The following ZNF385D variants were observed in gnomAD, a reference collection of about 807,000 sequenced individuals.
ZNF385D encodes zinc finger protein 659.
Under a neutral mutation model 35.8 loss-of-function variants are expected in ZNF385D, and 15 were observed. The ratio of observed to expected loss-of-function variants is 0.42; its 90% CI spans 0.28 to 0.64. The LOEUF (loss-of-function observed/expected upper bound fraction) is 0.64. Among genes scored for constraint, ZNF385D ranks in the 30% least tolerant of loss-of-function variants. The probability of loss-of-function intolerance (pLI) is 0.23; values close to 1 mark genes in which losing one functional copy is unlikely to be tolerated. For synonymous variants in ZNF385D, 212 were observed against 186.8 expected (o/e 1.13, Z -1.10); for missense variants, 474 against 494.6 (o/e 0.96, Z 0.39).
intron 4 of ZNF385D, among the ~76,000 whole-genome samples, chr3:21,496,464 T>TCATATATATACATATATACAC: frequency 1.1e-5 from 1 of 91,524 alleles, no homozygotes; most frequent in South Asian, 2.8e-4. Context: ...GATATATATA[T>TCATATATATACATATATACAC]CATATATATA....
intron 2 of ZNF385D, among the ~76,000 whole-genome samples, chr3:22,338,297 A>G (rs1025806909): frequency 4.1e-4 from 62 of 152,262 alleles, no homozygotes; most frequent in African/African-American, 1.4e-3. Flanking sequence ...TTTTCTGACA[A>G]AGATTTTGGT....
chr3:21,971,654 CAA>C (rs1327004197), intron 3 of ZNF385D, among the ~76,000 whole-genome samples: 1 of 150,766 alleles, frequency 6.6e-6, no homozygotes, highest in African/African-American at 2.4e-5. Flanking sequence ...ACTCTCAAAT[CAA>C]AAGACATAGA....
At chr3:22,044,917 A>G (rs1386498834) in intron 3 of ZNF385D, among the ~76,000 whole-genome samples, 1 of 152,122 alleles carries the variant, frequency 6.6e-6, no homozygotes, top group Non-Finnish European at 1.5e-5. Context: ...TGTAATTGGA[A>G]GTATGGTGCA....
At chr3:21,898,353 T>A (rs1699240569) in intron 3 of ZNF385D, among the ~76,000 whole-genome samples, 1 of 152,174 alleles carries the variant, frequency 6.6e-6, no homozygotes, top group East Asian at 1.9e-4. Flanking sequence ...ATTTTCCTAA[T>A]ATAGATACCT....
In ZNF385D at chr3:21,639,870, C is replaced by T. The variant is rs114985010; in HGVS notation, c.165+25016G>A. Among the ~76,000 whole-genome samples the T allele has an allele frequency of 8.8e-3, 1,341 of 152,016 alleles. 26 individuals are homozygous for T. The highest frequency in any genetic ancestry group is 0.031 in the African/African-American group (1,306 of 41,506). ...AGTCTGCTGAAGAGAAATTCCTTTACCATACTATTGTAGTCCAGAAAAAAG... is the reference window on the plus strand; with the variant it reads ...AGTCTGCTGAAGAGAAATTCCTTTATCATACTATTGTAGTCCAGAAAAAAG... On this transcript the variant is annotated intron_variant, in intron 2 of 7. Transcript: ENST00000281523.
chr3:21,814,101 G>A (rs987890313), intron 3 of ZNF385D, among the ~76,000 whole-genome samples: 1 of 152,122 alleles, frequency 6.6e-6, no homozygotes, highest in East Asian at 1.9e-4. Flanking sequence ...GCCAAACTAA[G>A]CTTCATAAGT....
chr3:22,350,658 A>T (rs1695873581), intron 2 of ZNF385D, among the ~76,000 whole-genome samples: 1 of 152,100 alleles, frequency 6.6e-6, no homozygotes, highest in Non-Finnish European at 1.5e-5. Context: ...CTCAAGTAAC[A>T]ATACTCCAAA....
intron 2 of ZNF385D, among the ~76,000 whole-genome samples, chr3:22,330,968 T>C (rs1694906070): frequency 6.6e-6 from 1 of 152,182 alleles, no homozygotes; most frequent in Non-Finnish European, 1.5e-5. Flanking sequence ...ATGTCCACCT[T>C]ATTGTGCTGC....
At chr3:22,251,483 G>A (rs1178855880) in intron 2 of ZNF385D, among the ~76,000 whole-genome samples, 1 of 152,022 alleles carries the variant, frequency 6.6e-6, no homozygotes, top group Non-Finnish European at 1.5e-5. Flanking sequence ...TCTCTTAAGT[G>A]GCTATTCATA....
chr3:22,234,354 T>C (rs914888105), intron 2 of ZNF385D, among the ~76,000 whole-genome samples: 1 of 152,156 alleles, frequency 6.6e-6, no homozygotes, highest in Admixed American at 6.5e-5. Context: ...CTAGTGCTTT[T>C]TGAAGACACT....
At chr3:21,580,562 A>G (rs1460083980) in intron 2 of ZNF385D, among the ~76,000 whole-genome samples, 1 of 151,888 alleles carries the variant, frequency 6.6e-6, no homozygotes, top group East Asian at 1.9e-4. Flanking sequence ...TTTACTGCCT[A>G]TTTTTTTCTT....
At chr3:21,883,479 G>C (rs75184551) in intron 3 of ZNF385D, among the ~76,000 whole-genome samples, 4,979 of 151,956 alleles carry the variant, frequency 0.033, 184 homozygotes, top group African/African-American at 0.082. Flanking sequence ...GAGGGTTTAT[G>C]ATATATATTC....
chr3:21,945,852 A>G (rs558880824), intron 3 of ZNF385D, among the ~76,000 whole-genome samples: 3 of 152,216 alleles, frequency 2.0e-5, no homozygotes, highest in Admixed American at 6.5e-5. Flanking sequence ...TACTGGAAAC[A>G]TAAGTAATTA....
intron 2 of ZNF385D, among the ~76,000 whole-genome samples, chr3:22,210,238 A>T (rs1045997800): frequency 1.3e-5 from 2 of 151,908 alleles, no homozygotes; most frequent in Admixed American, 1.3e-4. Context: ...TGTTAAACAC[A>T]TATCATTTTT....
intron 3 of ZNF385D, among the ~76,000 whole-genome samples, chr3:21,837,129 A>C (rs1333145495): frequency 6.6e-6 from 1 of 152,102 alleles, no homozygotes; most frequent in Non-Finnish European, 1.5e-5. Flanking sequence ...AGCTAAGTGA[A>C]ATTTTTTTTA....
At chr3:21,933,121 T>TA (rs1191064437) in intron 3 of ZNF385D, among the ~76,000 whole-genome samples, 1 of 152,186 alleles carries the variant, frequency 6.6e-6, no homozygotes, top group Non-Finnish European at 1.5e-5. Context: ...CTCCAGGACT[T>TA]ACAATAGAAA....
At chr3:22,012,343 T>C (rs765137003) in intron 3 of ZNF385D, among the ~76,000 whole-genome samples, 2 of 152,158 alleles carry the variant, frequency 1.3e-5, no homozygotes, top group South Asian at 2.1e-4. Flanking sequence ...GTTTGGTCGA[T>C]CCTAAGGACA....
At chr3:21,457,910 G>T (rs986989035) in intron 4 of ZNF385D, among the ~76,000 whole-genome samples, 2 of 152,130 alleles carry the variant, frequency 1.3e-5, no homozygotes, top group Non-Finnish European at 2.9e-5. Context: ...CATTTGGAAA[G>T]CTGTGCCAGG....
intron 3 of ZNF385D, among the ~76,000 whole-genome samples, chr3:22,003,207 G>T (rs1013039482): frequency 6.6e-6 from 1 of 152,132 alleles, no homozygotes. Flanking sequence ...TCTTAGAACT[G>T]ACAAAAGAAT....
Sources: gnomAD v4.1 joint callset for allele counts (sites outside exome capture counted in the v4.1 genomes callset) on GRCh38, gnomAD v4.1.1 for gene constraint, MANE v1.5 for transcripts, NCBI Gene and HGNC (gene_info 2026-07-23, HGNC 2026-07-21) for gene names.